ADGRB3: variants seen among roughly 807,000 people sequenced by gnomAD.
ADGRB3 encodes brain-specific angiogenesis inhibitor 3.
Under a neutral mutation model 193.4 loss-of-function variants are expected in ADGRB3, and 37 were observed. The ratio of observed to expected loss-of-function variants is 0.19; its 90% CI spans 0.15 to 0.25. The LOEUF is 0.25. Among genes scored for constraint, ADGRB3 ranks in the 10% least tolerant of loss-of-function variants. The pLI is 1.00. For synonymous variants in ADGRB3, 690 were observed against 644.2 expected (o/e 1.07, Z -1.08); for missense variants, 1,637 against 1,852.9 (o/e 0.88, Z 2.14).
At chr6:68,684,333 A>G (rs1764946271) in intron 3 of ADGRB3, among the ~76,000 whole-genome samples, 1 of 152,102 alleles carries the variant, frequency 6.6e-6, no homozygotes, top group African/African-American at 2.4e-5. Context: ...TTTCCTAGAC[A>G]TTTACTTCTT....
intron 3 of ADGRB3, among the ~76,000 whole-genome samples, chr6:68,829,331 A>T (rs960385566): frequency 4.0e-5 from 6 of 151,854 alleles, no homozygotes; most frequent in South Asian, 4.2e-4. Context: ...CAAACTCCTG[A>T]CCTCAAATGA....
chr6:68,704,653 C>T (rs1195041669), intron 3 of ADGRB3, among the ~76,000 whole-genome samples: 1 of 152,096 alleles, frequency 6.6e-6, no homozygotes, highest in Non-Finnish European at 1.5e-5. Flanking sequence ...TTTGAAATGT[C>T]CAGTTTAATT....
In ADGRB3 at chr6:69,353,764, G is replaced by GT. The variant is rs2127327258; in HGVS notation, c.3460-468dup. Among the ~76,000 whole-genome samples the GT allele has an allele frequency of 1.3e-5, 2 of 152,256 alleles. 1 individual carries two copies. The highest frequency in any genetic ancestry group is 4.1e-4 in the South Asian group (2 of 4,824). On this transcript the variant is annotated intron_variant, in intron 26 of 31. Coordinates refer to ENST00000370598, the MANE Select transcript of ADGRB3 (RefSeq NM_001704.3). The stretch of plus-strand genomic sequence containing the variant: ...CAAAAGTCCAGGTACACCAGCATTT[G>GT]TATTAAAAAGTAAACAAGGCAGGGC...
In ADGRB3 at chr6:69,233,332, T is replaced by C; in HGVS notation, c.2523T>C (p.Thr841=). Residue 841 remains threonine (T), a synonymous_variant, in exon 18 of 32, where the codon ACT becomes ACC. Coordinates refer to ENST00000370598, the MANE Select transcript of ADGRB3 (RefSeq NM_001704.3). ...LGTWSTQGCK[T]VLTDASHTKC... ...CGTGGTCCACCCAGGGATGTAAAACTGTGCTTACCGATGCATCCCATACGA... is the reference window on the plus strand; with the variant it reads ...CGTGGTCCACCCAGGGATGTAAAACCGTGCTTACCGATGCATCCCATACGA... The C allele has an allele frequency of 6.2e-7, 1 of 1,614,154 alleles. No homozygotes were observed.
At chr6:69,263,254 A>G (rs1766968078) in intron 20 of ADGRB3, among the ~76,000 whole-genome samples, 1 of 152,058 alleles carries the variant, frequency 6.6e-6, no homozygotes, top group Non-Finnish European at 1.5e-5. Context: ...TTTTTATGTT[A>G]GTATTGATGT....
At chr6:69,012,797 T>G (rs772731167) in intron 11 of ADGRB3, among the ~76,000 whole-genome samples, 1 of 152,052 alleles carries the variant, frequency 6.6e-6, no homozygotes, top group Non-Finnish European at 1.5e-5. Context: ...TGTTTTTCAT[T>G]TAATAGCACC....
intron 30 of ADGRB3, among the ~76,000 whole-genome samples, chr6:69,377,992 C>T (rs1325936872): frequency 6.6e-6 from 1 of 152,034 alleles, no homozygotes; most frequent in Non-Finnish European, 1.5e-5. Flanking sequence ...TTTATAATGG[C>T]CTTCCATGTG....
chr6:68,901,997 A>G (rs974587956), intron 3 of ADGRB3, among the ~76,000 whole-genome samples: 1 of 152,148 alleles, frequency 6.6e-6, no homozygotes, highest in Admixed American at 6.6e-5. Context: ...TTCTCAATAA[A>G]TGAATTTGTG....
intron 13 of ADGRB3, among the ~76,000 whole-genome samples, chr6:69,039,252 G>GAA (rs34473584): frequency 5.5e-4 from 74 of 135,670 alleles, no homozygotes; most frequent in African/African-American, 2.0e-3. Flanking sequence ...AATAAGGAAA[G>GAA]AAAAAAAAAA....
At chr6:68,722,147 A>C (rs1465768042) in intron 3 of ADGRB3, among the ~76,000 whole-genome samples, 1 of 151,732 alleles carries the variant, frequency 6.6e-6, no homozygotes, top group East Asian at 1.9e-4. Flanking sequence ...CAAGCCACCC[A>C]TATGAATTTC....
chr6:69,202,742 A>T (rs1306015462), intron 17 of ADGRB3, among the ~76,000 whole-genome samples: 2 of 152,166 alleles, frequency 1.3e-5, no homozygotes, highest in African/African-American at 4.8e-5. Context: ...AAAGCTGGGT[A>T]TAAGAACAGA....
chr6:69,371,163 A>G (rs1279489469), intron 29 of ADGRB3, among the ~76,000 whole-genome samples: 1 of 152,056 alleles, frequency 6.6e-6, no homozygotes, highest in Non-Finnish European at 1.5e-5. Context: ...TATTTCAGGA[A>G]TTTTTCACTT....
intron 20 of ADGRB3, among the ~76,000 whole-genome samples, chr6:69,251,277 A>G (rs1237463295): frequency 3.3e-5 from 5 of 152,204 alleles, no homozygotes; most frequent in Admixed American, 6.5e-5. Context: ...TGCAGATAAA[A>G]TACAATCGTC....
chr6:68,717,840 A>T (rs1765513129), intron 3 of ADGRB3, among the ~76,000 whole-genome samples: 3 of 151,732 alleles, frequency 2.0e-5, no homozygotes, highest in African/African-American at 7.2e-5. Context: ...GAGGGCAAGG[A>T]TGTGAGTGAG....
intron 3 of ADGRB3, among the ~76,000 whole-genome samples, chr6:68,673,220 C>T (rs1769009933): frequency 6.6e-6 from 1 of 151,964 alleles, no homozygotes; most frequent in South Asian, 2.1e-4. Flanking sequence ...TAGATAAGTT[C>T]CCTCATTTCC....
At chr6:69,327,974 T>A in intron 22 of ADGRB3, 85 bp downstream of exon 22, 1 of 1,197,968 alleles carries the variant, frequency 8.3e-7, no homozygotes, top group Non-Finnish European at 1.2e-6. Context: ...TGGCTTGCAG[T>A]TTATCATGGA....
chr6:68,641,659 A>T (rs913306076), intron 3 of ADGRB3, among the ~76,000 whole-genome samples: 1 of 152,158 alleles, frequency 6.6e-6, no homozygotes, highest in Non-Finnish European at 1.5e-5. Context: ...AAAGGTAAGG[A>T]TAAGTAATTA....
intron 3 of ADGRB3, among the ~76,000 whole-genome samples, chr6:68,907,662 C>T (rs1766585634): frequency 6.6e-6 from 1 of 151,950 alleles, no homozygotes; most frequent in Non-Finnish European, 1.5e-5. Flanking sequence ...TAATACCTAT[C>T]TTAATTCCTT....
At chr6:68,850,574 AT>A (rs35576758) in intron 3 of ADGRB3, among the ~76,000 whole-genome samples, 42,842 of 151,830 alleles carry the variant, frequency 0.28, 6,901 homozygotes, top group Middle Eastern at 0.51. Flanking sequence ...TTTACTTGAA[AT>A]TGTATACTTC....
Sources: allele counts gnomAD v4.1 joint callset (sites outside exome capture counted in the v4.1 genomes callset), GRCh38; gene constraint gnomAD v4.1.1; transcripts MANE v1.5; gene names NCBI Gene and HGNC (gene_info 2026-07-23, HGNC 2026-07-21).